The following TTC27 variants were observed in gnomAD, a reference collection of about 807,000 sequenced individuals.
TTC27 encodes tetratricopeptide repeat domain 27.
TTC27 carries 79 observed loss-of-function variants against 115.9 expected under a neutral mutation model. The observed-to-expected ratio is 0.68, with a 90% CI of 0.57 to 0.82. The LOEUF is 0.82. TTC27 is among the 40% of genes least tolerant of loss of function. The probability of loss-of-function intolerance (pLI) is 0.00; values close to 1 mark genes in which losing one functional copy is unlikely to be tolerated. For synonymous variants in TTC27, 401 were observed against 356.0 expected, an observed-to-expected ratio of 1.13 and a Z score of -1.42; for missense variants, 1,054 against 993.1, an observed-to-expected ratio of 1.06 and a Z score of -0.82.
At chr2:32,815,689 CAGTTTCTGATCT>C (rs772949543) in intron 18 of TTC27, among the ~76,000 whole-genome samples, 91 of 152,260 alleles carry the variant, frequency 6.0e-4, no homozygotes, top group Non-Finnish European at 9.4e-4. Flanking sequence ...AGAAATACAG[CAGTTTCTGATCT>C]AAACTGCTGG....
At chr2:32,726,947 C>A (rs1259330533) in intron 10 of TTC27, among the ~76,000 whole-genome samples, 1 of 152,154 alleles carries the variant, frequency 6.6e-6, no homozygotes, top group Non-Finnish European at 1.5e-5. Context: ...GGGAACTCCA[C>A]TTTATAAAAC....
chr2:32,688,125 AG>A (rs1224131235), intron 9 of TTC27, among the ~76,000 whole-genome samples: 2 of 152,212 alleles, frequency 1.3e-5, no homozygotes, highest in African/African-American at 4.8e-5. Context: ...GATTACATAT[AG>A]TACTTAGCTT....
rs761403086 is a variant in TTC27, at chr2:32,664,506, A to G, written c.805+39A>G. ...TTTGTGGATAATTGATTTTATTTTTATGATAAAACTATATACATTGGCAGT... is the reference window on the plus strand; with the variant it reads ...TTTGTGGATAATTGATTTTATTTTTGTGATAAAACTATATACATTGGCAGT... On this transcript the variant is annotated intron_variant, in intron 6 of 19. Coordinates refer to ENST00000317907, the MANE Select transcript of TTC27 (RefSeq NM_017735.5). The G allele has an allele frequency of 1.5e-5, 23 of 1,556,420 alleles. No individual in the cohort carries two copies. In the South Asian group the frequency reaches 2.1e-4, roughly 14 times the overall value.
chr2:32,642,675 G>GTT (rs1410962991), intron 4 of TTC27, among the ~76,000 whole-genome samples: 1 of 147,968 alleles, frequency 6.8e-6, no homozygotes, highest in Admixed American at 6.8e-5. Flanking sequence ...TGTTTGTTTT[G>GTT]TTTTTTTTTT....
chr2:32,808,537 A>G (rs1671213329), intron 16 of TTC27, among the ~76,000 whole-genome samples: 1 of 151,578 alleles, frequency 6.6e-6, no homozygotes, highest in African/African-American at 2.4e-5. Flanking sequence ...TCCCCTGTCT[A>G]CCCCCCACAA....
intron 6 of TTC27, among the ~76,000 whole-genome samples, chr2:32,665,449 C>A (rs777255958): frequency 6.6e-6 from 1 of 152,012 alleles, no homozygotes; most frequent in Non-Finnish European, 1.5e-5. Context: ...ACTATTGATG[C>A]CATAATACTT....
At position 32,815,223 on chromosome 2, in the gene TTC27, A is replaced by ATTTTTTTTTTTTTTT. The variant is rs533493768; in HGVS notation, c.2309-2217_2309-2203dup. Among the ~76,000 whole-genome samples the ATTTTTTTTTTTTTTT allele has an allele frequency of 5.9e-4, 33 of 55,512 alleles. 6 individuals carry two copies. The highest frequency in any genetic ancestry group is 2.0e-3 in the East Asian group (3 of 1,494). The allele number at this position is 55,512 out of a possible 152,430, so 36.4% of individuals were successfully genotyped here. A position where few individuals can be genotyped will look rare whatever the true frequency, so the allele number is the denominator to read the frequency against. On this transcript the variant is annotated intron_variant, in intron 18 of 19. Coordinates refer to ENST00000317907, the MANE Select transcript of TTC27 (RefSeq NM_017735.5). Reference sequence around the variant, plus strand: ...CATAGAGGAGGCACTGCTGCTTCAGATTTTTTTTTTTTTTTTTTTTTTTTT... The same window carrying ATTTTTTTTTTTTTTT: ...CATAGAGGAGGCACTGCTGCTTCAGATTTTTTTTTTTTTTTTTTTTTTTTTTTTTTTTTTTTTTTT...
chr2:32,759,100 G>A (rs1237368211), intron 13 of TTC27, among the ~76,000 whole-genome samples: 3 of 152,314 alleles, frequency 2.0e-5, no homozygotes, highest in African/African-American at 4.8e-5. Flanking sequence ...TGAGGGAAAA[G>A]AGATTAACCT....
In TTC27 at chr2:32,774,326, G is replaced by A. The variant is rs78393803; in HGVS notation, c.1681-3556G>A. 6.0e-3 allele frequency among the ~76,000 whole-genome samples: 913 copies of A among 151,640 alleles called. 4 individuals carry two copies. Among genetic ancestry groups the A allele is most frequent in the Non-Finnish European group, 8.8e-3 (598 of 67,880 alleles). On this transcript the variant is annotated intron_variant, in intron 13 of 19. Transcript: ENST00000317907. ...CTCCCGAGTAGCTGGGATTACAGAC[G>A]CATGCCTGCTCATTTCTTTTGTATC... is the stretch of plus-strand genomic sequence containing the variant.
At chr2:32,700,392 C>T (rs955650324) in intron 9 of TTC27, among the ~76,000 whole-genome samples, 5 of 152,046 alleles carry the variant, frequency 3.3e-5, no homozygotes, top group African/African-American at 1.2e-4. Context: ...GCCTTTTCCT[C>T]AGTACTCTTC....
At chr2:32,734,523 G>A (rs1668390573) in intron 11 of TTC27, among the ~76,000 whole-genome samples, 2 of 152,156 alleles carry the variant, frequency 1.3e-5, no homozygotes, top group African/African-American at 4.8e-5. Flanking sequence ...CTCTTTCTGA[G>A]GCTATGAGAA....
intron 10 of TTC27, among the ~76,000 whole-genome samples, chr2:32,723,775 C>CTTCCTTCCTTCCTTCCTTCCTTCCTTCA (rs1268188737): frequency 7.7e-6 from 1 of 129,570 alleles, no homozygotes. Context: ...TCCTTCCTTC[C>CTTCCTTCCTTCCTTCCTTCCTTCCTTCA]TTCTCTCCCT....
At chr2:32,685,777 T>C (rs1441039639) in intron 9 of TTC27, among the ~76,000 whole-genome samples, 1 of 152,208 alleles carries the variant, frequency 6.6e-6, no homozygotes, top group African/African-American at 2.4e-5. Context: ...AAAGTAGTCT[T>C]TCCCCCTTAA....
chr2:32,666,957 G>GA (rs35489823), intron 7 of TTC27, among the ~76,000 whole-genome samples, 189 bp downstream of exon 7: 1 of 93,818 alleles, frequency 1.1e-5, no homozygotes, highest in Non-Finnish European at 2.2e-5. Context: ...ACCTGTGATA[G>GA]AAAAAACTGG....
At chr2:32,744,819 G>C (rs938287608) in intron 12 of TTC27, among the ~76,000 whole-genome samples, 8 of 152,106 alleles carry the variant, frequency 5.3e-5, no homozygotes, top group Admixed American at 1.3e-4. Flanking sequence ...GGGAGACCTA[G>C]ACAGGCGGAT....
intron 4 of TTC27, among the ~76,000 whole-genome samples, chr2:32,642,083 C>T (rs1019534730): frequency 2.0e-5 from 3 of 152,014 alleles, no homozygotes; most frequent in African/African-American, 4.8e-5. Context: ...TCTCGAACTC[C>T]TGACCTTAGG....
At chr2:32,667,696 G>T (rs565911915) in intron 7 of TTC27, among the ~76,000 whole-genome samples, 3 of 150,558 alleles carry the variant, frequency 2.0e-5, no homozygotes, top group Non-Finnish European at 3.0e-5. Context: ...GATTACAGGC[G>T]TGAGCCACCA....
At chr2:32,806,747 C>T (rs771781681) in intron 16 of TTC27, among the ~76,000 whole-genome samples, 1 of 151,928 alleles carries the variant, frequency 6.6e-6, no homozygotes, top group Non-Finnish European at 1.5e-5. Context: ...CGCCACTGCA[C>T]TCCAGCTTGA....
At chr2:32,736,642 G>T (rs1409796165) in intron 11 of TTC27, 52 bp from the exon 12 acceptor site, 7 of 1,607,924 alleles carry the variant, frequency 4.4e-6, no homozygotes, top group Middle Eastern at 1.7e-4. Context: ...AGTGAAACAG[G>T]AATCTCTTTT....
Sources: allele counts gnomAD v4.1 joint callset (sites outside exome capture counted in the v4.1 genomes callset), GRCh38; gene constraint gnomAD v4.1.1; transcripts MANE v1.5; gene names NCBI Gene and HGNC (gene_info 2026-07-23, HGNC 2026-07-21).